ANKS1B: variants seen among roughly 807,000 people sequenced by gnomAD.
ANKS1B encodes the protein ankyrin repeat and sterile alpha motif domain-containing protein 1B.
In ANKS1B, 36 loss-of-function variants were observed where a neutral mutation model predicts 148.3. The observed-to-expected ratio is 0.24, with a 90% CI of 0.19 to 0.32. The LOEUF (loss-of-function observed/expected upper bound fraction) is 0.32. Among genes scored for constraint, ANKS1B ranks in the 10% least tolerant of loss-of-function variants. The pLI is 1.00. For missense variants in ANKS1B, 1,157 were observed against 1,542.6 expected, an observed-to-expected ratio of 0.75 and a Z score of 4.19; for synonymous variants, 542 against 560.8, an observed-to-expected ratio of 0.97 and a Z score of 0.47.
At chr12:99,522,366 G>C (rs1300499619) in intron 9 of ANKS1B, among the ~76,000 whole-genome samples, 1 of 152,080 alleles carries the variant, frequency 6.6e-6, no homozygotes, top group Non-Finnish European at 1.5e-5. Context: ...TATCCTACCT[G>C]CTACTGTCAA....
intron 12 of ANKS1B, among the ~76,000 whole-genome samples, chr12:99,322,320 C>A (rs1490721464): frequency 6.6e-6 from 1 of 151,748 alleles, no homozygotes; most frequent in Non-Finnish European, 1.5e-5. Context: ...CACATGGACA[C>A]AGGGGGGTGA....
At chr12:99,391,035 G>A (rs568491511) in intron 12 of ANKS1B, among the ~76,000 whole-genome samples, 1 of 152,322 alleles carries the variant, frequency 6.6e-6, no homozygotes, top group African/African-American at 2.4e-5. Flanking sequence ...TGGAAGGGAT[G>A]CCCACTCCCT....
chr12:99,935,515 A>G (rs1452243051), intron 1 of ANKS1B, among the ~76,000 whole-genome samples: 2 of 152,092 alleles, frequency 1.3e-5, no homozygotes, highest in Non-Finnish European at 2.9e-5. Flanking sequence ...CCTCTTAAGC[A>G]TAGGGCCCTC....
In ANKS1B at chr12:99,535,667, A is replaced by T. The variant is rs2097058402; in HGVS notation, c.1273-31026T>A. On this transcript the variant is annotated intron_variant, in intron 9 of 26. Transcript: ENST00000683438. ...GCTTGTTAGATCAGCTTAACACTGAATTTGAACATGCCTTACCTCACAATT... is the reference window on the plus strand; with the variant it reads ...GCTTGTTAGATCAGCTTAACACTGATTTTGAACATGCCTTACCTCACAATT... 2.6e-5 allele frequency among the ~76,000 whole-genome samples: 4 copies of T among 152,270 alleles called. No individual in the cohort carries two copies. The South Asian group carries it at 8.3e-4, about 32-fold the overall frequency.
At chr12:99,937,563 T>G (rs2094810612) in intron 1 of ANKS1B, among the ~76,000 whole-genome samples, 2 of 152,084 alleles carry the variant, frequency 1.3e-5, no homozygotes, top group Non-Finnish European at 2.9e-5. Flanking sequence ...GACAAAGAAG[T>G]AGAACACTAT....
At chr12:99,393,080 T>C (rs1337560470) in intron 12 of ANKS1B, among the ~76,000 whole-genome samples, 3 of 146,960 alleles carry the variant, frequency 2.0e-5, no homozygotes, top group Non-Finnish European at 3.0e-5. Flanking sequence ...GATTGATAGA[T>C]CAATCGATAG....
intron 17 of ANKS1B, among the ~76,000 whole-genome samples, chr12:99,029,945 T>C (rs1442586676): frequency 6.6e-6 from 1 of 152,236 alleles, no homozygotes; most frequent in Non-Finnish European, 1.5e-5. Flanking sequence ...CTGAGATGTG[T>C]GAAAGCTTTG....
chr12:99,628,621 C>A (rs1415025315), intron 9 of ANKS1B, among the ~76,000 whole-genome samples: 1 of 152,100 alleles, frequency 6.6e-6, no homozygotes, highest in African/African-American at 2.4e-5. Flanking sequence ...ATTAGTATAA[C>A]AGAATACTTC....
At position 99,779,784 on chromosome 12, in the gene ANKS1B, C is replaced by G; in HGVS notation, c.847+87G>C. ...TAGTAAGTTTGTTCAAAAGTAAACA[C>G]TAACTCAAAATCCAAAAGAAAACTG... On this transcript the variant is annotated intron_variant, in intron 6 of 26. Coordinates refer to ENST00000683438, the MANE Select transcript of ANKS1B (RefSeq NM_001352186.2). 4 of 1,009,714 alleles carry G rather than the reference C, an allele frequency of 4.0e-6. No individual in the cohort carries two copies. In the South Asian group the frequency reaches 5.6e-5, roughly 14 times the overall value. The allele number at this position is 1,009,714 out of a possible 1,614,324, so 62.5% of individuals were successfully genotyped here.
At chr12:99,434,346 C>T (rs1260685680) in intron 11 of ANKS1B, among the ~76,000 whole-genome samples, 1 of 151,974 alleles carries the variant, frequency 6.6e-6, no homozygotes, top group Non-Finnish European at 1.5e-5. Flanking sequence ...TTTTTTCTTT[C>T]TATGCATTCT....
At chr12:99,031,198 C>T (rs920204064) in intron 17 of ANKS1B, among the ~76,000 whole-genome samples, 3 of 152,204 alleles carry the variant, frequency 2.0e-5, no homozygotes, top group Middle Eastern at 3.2e-3. Flanking sequence ...AATCATCTTA[C>T]ACCTTCTAGA....
chr12:99,246,405 T>G lies in ANKS1B; in HGVS notation c.2216A>C (p.Asp739Ala). 6.2e-7 allele frequency: 1 copy of G among 1,613,890 alleles called. No individual in the cohort carries two copies. Among genetic ancestry groups the G allele is most frequent in the Non-Finnish European group, 8.5e-7 (1 of 1,179,852 alleles). The change falls in exon 13 of 27, where the codon GAT (aspartate) becomes GCT (alanine). Residue 739 changes from aspartate (D) to alanine (A), a missense_variant. Around this residue, in one of 6 missense-constraint regions of ANKS1B, gnomAD observed 661 missense variants for 642.1 expected, o/e 1.03. Transcript: ENST00000683438. ...GGAAGGATAGGCAATGAGATCAGAATCAGATTTAGAGACACTTTTTGACAA... is the reference window on the plus strand; with the variant it reads ...GGAAGGATAGGCAATGAGATCAGAAGCAGATTTAGAGACACTTTTTGACAA... Reference protein sequence around the residue: ...MHLSKSVSKSDSDLIAYPSNE... With the variant: ...MHLSKSVSKSASDLIAYPSNE...
At chr12:98,882,122 A>G (rs116064484) in intron 17 of ANKS1B, among the ~76,000 whole-genome samples, 218 of 152,268 alleles carry the variant, frequency 1.4e-3, no homozygotes, top group African/African-American at 5.1e-3. Context: ...ATTACATAAC[A>G]TTGGTGACAT....
At chr12:99,489,300 T>A (rs1220530586) in intron 10 of ANKS1B, among the ~76,000 whole-genome samples, 1 of 150,046 alleles carries the variant, frequency 6.7e-6, no homozygotes, top group Admixed American at 6.6e-5. Context: ...TTCACATTGA[T>A]ATAAAAACTA....
chr12:98,820,534 C>T (rs1304338035), intron 19 of ANKS1B, among the ~76,000 whole-genome samples: 1 of 152,154 alleles, frequency 6.6e-6, no homozygotes, highest in Non-Finnish European at 1.5e-5. Context: ...ACAGTATTTA[C>T]AGAGTGTTTA....
At chr12:99,021,655 A>G (rs4762542) in intron 17 of ANKS1B, among the ~76,000 whole-genome samples, 66,694 of 151,994 alleles carry the variant, frequency 0.44, 15,250 homozygotes, top group African/African-American at 0.56. Context: ...TGCCCAATAA[A>G]GGTGATATTT....
chr12:99,062,860 T>C (rs543200730), intron 16 of ANKS1B, among the ~76,000 whole-genome samples: 2 of 152,296 alleles, frequency 1.3e-5, no homozygotes, highest in South Asian at 4.2e-4. Context: ...CACTTTGCCC[T>C]CCTTTCTTGA....
At chr12:98,824,561 A>G (rs1422458984) in intron 19 of ANKS1B, among the ~76,000 whole-genome samples, 1 of 152,248 alleles carries the variant, frequency 6.6e-6, no homozygotes, top group Non-Finnish European at 1.5e-5. Flanking sequence ...TGAGAAGCAG[A>G]CATTATCCAC....
At chr12:99,622,058 T>C (rs2098059306) in intron 9 of ANKS1B, among the ~76,000 whole-genome samples, 3 of 151,966 alleles carry the variant, frequency 2.0e-5, no homozygotes, top group Non-Finnish European at 2.9e-5. Flanking sequence ...ACCATACCCA[T>C]GGACCAGAGT....
Sources: gnomAD v4.1 joint callset for allele counts (sites outside exome capture counted in the v4.1 genomes callset) on GRCh38, gnomAD v4.1.1 for gene constraint, gnomAD v4.1.1 regional missense constraint, MANE v1.5 for transcripts, NCBI Gene and HGNC (gene_info 2026-07-23, HGNC 2026-07-21) for gene names.